Variants in ZSWIM9 observed in about 807,000 individuals in gnomAD.
ZSWIM9 encodes the protein zinc finger SWIM-type containing 9.
In ZSWIM9, 11 loss-of-function variants were observed where a neutral mutation model predicts 25.0. The ratio of observed to expected loss-of-function variants is 0.44; its 90% confidence interval spans 0.28 to 0.73. The LOEUF (loss-of-function observed/expected upper bound fraction) is 0.73, where lower values mean the gene tolerates loss of function less well. Among genes scored for constraint, ZSWIM9 ranks in the 30% least tolerant of loss-of-function variants. The probability of loss-of-function intolerance (pLI) is 0.16; values close to 1 mark genes in which losing one functional copy is unlikely to be tolerated. For synonymous variants in ZSWIM9, 562 were observed against 582.1 expected, an observed-to-expected ratio of 0.97 and a Z score of 0.50; for missense variants, 1,070 against 1,296.5, an observed-to-expected ratio of 0.83 and a Z score of 2.68.
intron 2 of ZSWIM9, 56 bp downstream of exon 2, chr19:48,172,133 TGTGGGTGGG>T: frequency 1.5e-6 from 1 of 665,944 alleles, no homozygotes; most frequent in Non-Finnish European, 2.3e-6. Context: ...CGGGGGTGGG[TGTGGGTGGG>T]AGACGGGCAG....
chr19:48,171,797 C>T lies in ZSWIM9; in HGVS notation c.-6C>T. The T allele has an allele frequency of 1.3e-6, 2 of 1,530,838 alleles. No homozygotes were observed. Among genetic ancestry groups the T allele is most frequent in the Non-Finnish European group, 8.7e-7 (1 of 1,144,718 alleles). The allele number at this position is 1,530,838 out of a possible 1,614,324, so 94.8% of individuals were successfully genotyped here. A position where few individuals can be genotyped will look rare whatever the true frequency, so the allele number is the denominator to read the frequency against. On this transcript the variant is annotated 5_prime_UTR_variant, in exon 2 of 4. Coordinates refer to ENST00000614654, the MANE Select transcript of ZSWIM9 (RefSeq NM_199341.4). ...TGTTCTCCCCTCCTCCACGCAGGCC[C>T]CCAGGATGGAGCGGCCGGAGCCCCC...
intron 2 of ZSWIM9, among the ~76,000 whole-genome samples, chr19:48,178,047 G>A (rs1371884205): frequency 2.6e-5 from 4 of 152,240 alleles, no homozygotes; most frequent in East Asian, 1.9e-4. Context: ...ACAGGTGCCC[G>A]CCACCACGCT....
At position 48,182,823 on chromosome 19, in the gene ZSWIM9, G is replaced by C; in HGVS notation, c.588+56G>C. 7.7e-7 allele frequency: 1 copy of C among 1,303,518 alleles called. No individual in the cohort carries two copies. The allele number at this position is 1,303,518 out of a possible 1,614,324, so 80.7% of individuals were successfully genotyped here. A position where few individuals can be genotyped will look rare whatever the true frequency, so the allele number is the denominator to read the frequency against. On this transcript the variant is annotated intron_variant, in intron 3 of 3. Coordinates refer to ENST00000614654, the MANE Select transcript of ZSWIM9 (RefSeq NM_199341.4). This position sits in a 1 kb window ranked among gnomAD's most constrained non-coding sequence, Gnocchi z 4.6. ...GGGGGCGGGGGAAAGCCGCGCTGAA[G>C]ACTCGTGGGTCATTCATGCCTTCAT...
chr19:48,178,096 C>T (rs2036911546), intron 2 of ZSWIM9, among the ~76,000 whole-genome samples: 1 of 152,172 alleles, frequency 6.6e-6, no homozygotes, highest in Admixed American at 6.5e-5. Flanking sequence ...TGGGGTTTGC[C>T]TATGTTGGCC....
At chr19:48,187,446 T>TA (rs1180798696) in intron 3 of ZSWIM9, among the ~76,000 whole-genome samples, 2 of 103,664 alleles carry the variant, frequency 1.9e-5, no homozygotes, top group South Asian at 2.4e-4. Flanking sequence ...ATATATATTA[T>TA]ATATTATATA....
intron 3 of ZSWIM9, among the ~76,000 whole-genome samples, chr19:48,186,954 G>C (rs929864296): frequency 6.6e-6 from 1 of 152,112 alleles, no homozygotes; most frequent in Non-Finnish European, 1.5e-5. Flanking sequence ...GAAGAGTAAG[G>C]GGAGAGGGGA....
At chr19:48,176,896 T>C (rs1382212360) in intron 2 of ZSWIM9, among the ~76,000 whole-genome samples, 1 of 151,052 alleles carries the variant, frequency 6.6e-6, no homozygotes, top group African/African-American at 2.4e-5. Context: ...AAACTCCGTC[T>C]CTACTAAAAT....
intron 3 of ZSWIM9, among the ~76,000 whole-genome samples, chr19:48,187,271 C>T (rs2037023136): frequency 6.9e-6 from 1 of 144,234 alleles, no homozygotes; most frequent in African/African-American, 2.6e-5. Flanking sequence ...GAGAGGTGTT[C>T]AATCCATCAC....
At chr19:48,192,497 A>C in intron 3 of ZSWIM9, among the ~76,000 whole-genome samples, 1 of 55,016 alleles carries the variant, frequency 1.8e-5, no homozygotes, top group Admixed American at 2.3e-4. Context: ...ATATATATAT[A>C]TACACACACA....
chr19:48,187,543 T>TTATA (rs1220323398), intron 3 of ZSWIM9: 5 of 50,500 alleles, frequency 9.9e-5, no homozygotes, highest in Admixed American at 8.0e-4. Flanking sequence ...TATTATTATA[T>TTATA]TATATTATAT....
intron 3 of ZSWIM9, among the ~76,000 whole-genome samples, chr19:48,189,896 T>G (rs201615344): frequency 6.6e-6 from 1 of 152,038 alleles, no homozygotes; most frequent in South Asian, 2.1e-4. Context: ...AAATAATTAA[T>G]TCTTAAAAAG....
chr19:48,186,253 C>G (rs79357606), intron 3 of ZSWIM9, among the ~76,000 whole-genome samples: 8 of 150,096 alleles, frequency 5.3e-5, no homozygotes, highest in East Asian at 1.9e-4. Context: ...CGCCACCCCC[C>G]ACCCCCAGCA....
At position 48,194,728 on chromosome 19, in the gene ZSWIM9, C is replaced by A; in HGVS notation, c.664C>A (p.Leu222Met). ...CCTGACGTCGCGCACCAGGGCGCTG[C>A]TGCGGCGCTTCCCTCGCATGCTGCT... is the stretch of plus-strand genomic sequence containing the variant. ...FFLTSRTRAL[L>M]RRFPRMLLVD... The change falls in exon 4 of 4, where the codon CTG (leucine) becomes ATG (methionine). Residue 222 changes from leucine (L) to methionine (M), a missense_variant. Leu to Met is a conservative substitution (Grantham distance 15). Transcript: ENST00000614654. The surrounding 1 kb of genome is among the most constrained non-coding windows in gnomAD (Gnocchi z 6.0). The A allele has an allele frequency of 6.5e-7, 1 of 1,532,840 alleles. No individual in the cohort carries two copies. The highest frequency in any genetic ancestry group is 8.7e-7 in the Non-Finnish European group (1 of 1,145,276). 95.0% of individuals were successfully genotyped at this position (1,532,840 alleles called of 1,614,324 possible).
intron 3 of ZSWIM9, among the ~76,000 whole-genome samples, chr19:48,187,406 ATATATTATAATT>A (rs2037026725): frequency 1.0e-5 from 1 of 97,272 alleles, no homozygotes; most frequent in African/African-American, 3.6e-5. Context: ...TATATTAATT[ATATATTATAATT>A]ATATATTATA....
At chr19:48,190,203 C>CAA (rs34456808) in intron 3 of ZSWIM9, among the ~76,000 whole-genome samples, 10 of 130,590 alleles carry the variant, frequency 7.7e-5, no homozygotes, top group African/African-American at 9.1e-5. Context: ...GACTCCATCT[C>CAA]AAAAAAAAAA....
chr19:48,196,935 C>A lies in ZSWIM9; in HGVS notation c.*108C>A. On this transcript the variant is annotated 3_prime_UTR_variant, in exon 4 of 4. Coordinates refer to ENST00000614654, the MANE Select transcript of ZSWIM9 (RefSeq NM_199341.4). ...AGGAGACCGTTGCAGTCCCCCTGGCCACCTTCTGGGTCATCCAGGGACCTC... is the reference window on the plus strand; with the variant it reads ...AGGAGACCGTTGCAGTCCCCCTGGCAACCTTCTGGGTCATCCAGGGACCTC... The A allele has an allele frequency of 8.7e-7, 1 of 1,145,600 alleles. No homozygotes were observed. The highest frequency in any genetic ancestry group is 1.1e-6 in the Non-Finnish European group (1 of 896,026). The allele number at this position is 1,145,600 out of a possible 1,614,324, so 71.0% of individuals were successfully genotyped here. A position where few individuals can be genotyped will look rare whatever the true frequency, so the allele number is the denominator to read the frequency against.
In ZSWIM9 at chr19:48,188,955, C is replaced by T. The variant is rs146786669; in HGVS notation, c.589-5698C>T. 5.1e-3 allele frequency among the ~76,000 whole-genome samples: 775 copies of T among 151,984 alleles called. 2 individuals are homozygous for T. Among genetic ancestry groups the T allele is most frequent in the African/African-American group, 0.014 (577 of 41,432 alleles). On this transcript the variant is annotated intron_variant, in intron 3 of 3. Transcript: ENST00000614654. ...CTGAGGCAGGAGAATGGCGTGAACC[C>T]GGAAGGCGGAGCTTGCAGTGAGCTG...
chr19:48,174,401 A>G (rs1461789249), intron 2 of ZSWIM9, among the ~76,000 whole-genome samples: 1 of 152,114 alleles, frequency 6.6e-6, no homozygotes, highest in African/African-American at 2.4e-5. Flanking sequence ...TGCCTGGAAC[A>G]TGGGGTGGCT....
chr19:48,171,513 A>T, intron 1 of ZSWIM9: 7 of 479,528 alleles, frequency 1.5e-5, no homozygotes, highest in Non-Finnish European at 1.9e-5. Context: ...AGAGATTCCA[A>T]CTGTACCTAA....
Sources: allele counts gnomAD v4.1 joint callset (sites outside exome capture counted in the v4.1 genomes callset), GRCh38; gene constraint gnomAD v4.1.1; non-coding constraint Gnocchi (gnomAD v3.1); transcripts MANE v1.5; gene names NCBI Gene and HGNC (gene_info 2026-07-23, HGNC 2026-07-21).